LPP: variants seen among roughly 807,000 people sequenced by gnomAD.
The protein encoded by LPP is LIM domain containing preferred translocation partner in lipoma, also known as lipoma-preferred partner.
In LPP, 38 loss-of-function variants were observed where a neutral mutation model predicts 60.4. That is an observed-to-expected ratio of 0.63 (90% CI 0.49 to 0.83). The LOEUF is 0.83. Among genes scored for constraint, LPP ranks in the 40% least tolerant of loss-of-function variants. LPP has a pLI of 0.00. For synonymous variants in LPP, 328 were observed against 290.8 expected (o/e 1.13, Z -1.30); for missense variants, 902 against 783.6 (o/e 1.15, Z -1.80).
At chr3:188,508,549 G>T (rs1478774865) in intron 5 of LPP, among the ~76,000 whole-genome samples, 1 of 152,178 alleles carries the variant, frequency 6.6e-6, no homozygotes. Flanking sequence ...CTCCAACAGG[G>T]TGCTATGAAT....
intron 1 of LPP, among the ~76,000 whole-genome samples, chr3:188,169,325 C>T (rs1326738876): frequency 3.3e-5 from 5 of 152,274 alleles, no homozygotes; most frequent in Admixed American, 1.3e-4. Context: ...CCGTGTAACA[C>T]GTATTATTGG....
At chr3:188,851,770 G>C (rs574536606) in intron 9 of LPP, among the ~76,000 whole-genome samples, 6 of 152,172 alleles carry the variant, frequency 3.9e-5, no homozygotes, top group Non-Finnish European at 5.9e-5. Context: ...TTGTCTATGT[G>C]TCAATTACTG....
intron 6 of LPP, among the ~76,000 whole-genome samples, chr3:188,573,994 G>C (rs1221028512): frequency 6.6e-6 from 1 of 152,110 alleles, no homozygotes; most frequent in Non-Finnish European, 1.5e-5. Context: ...TTTCTCCGTA[G>C]CTCCAACTGT....
intron 2 of LPP, among the ~76,000 whole-genome samples, chr3:188,229,659 G>A (rs1719118607): frequency 6.6e-6 from 1 of 152,224 alleles, no homozygotes; most frequent in South Asian, 2.1e-4. Context: ...ACCCAGGGAT[G>A]TCTTGTAGGA....
At chr3:188,414,321 A>C (rs1785611168) in intron 4 of LPP, among the ~76,000 whole-genome samples, 1 of 152,178 alleles carries the variant, frequency 6.6e-6, no homozygotes, top group Admixed American at 6.5e-5. Context: ...GTGCTAACAC[A>C]ATGCTCAAAG....
At chr3:188,513,482 T>C (rs1349803958) in intron 5 of LPP, among the ~76,000 whole-genome samples, 1 of 152,190 alleles carries the variant, frequency 6.6e-6, no homozygotes, top group Non-Finnish European at 1.5e-5. Context: ...CAAATATCTA[T>C]TTTACTGTCA....
At chr3:188,635,845 A>G (rs1848631338) in intron 7 of LPP, among the ~76,000 whole-genome samples, 1 of 152,230 alleles carries the variant, frequency 6.6e-6, no homozygotes. Context: ...GTGTTGGAGA[A>G]ATTCCAGTCA....
intron 4 of LPP, among the ~76,000 whole-genome samples, chr3:188,450,265 G>A (rs189603063): frequency 2.0e-5 from 3 of 152,236 alleles, no homozygotes; most frequent in Admixed American, 1.3e-4. Flanking sequence ...ACAAATATGT[G>A]TGAAATATAT....
chr3:188,234,922 C>T (rs1474542746), intron 2 of LPP, among the ~76,000 whole-genome samples: 2 of 152,208 alleles, frequency 1.3e-5, no homozygotes, highest in Non-Finnish European at 2.9e-5. Context: ...TCCATTAGAT[C>T]TCCTGTTCCC....
chr3:188,663,609 T>A (rs1341702964), intron 7 of LPP, among the ~76,000 whole-genome samples: 1 of 152,202 alleles, frequency 6.6e-6, no homozygotes, highest in Non-Finnish European at 1.5e-5. Context: ...ACATATGCTG[T>A]GTTACCATCT....
intron 2 of LPP, among the ~76,000 whole-genome samples, chr3:188,334,422 CTTTT>C (rs71167095): frequency 1.0e-5 from 1 of 98,666 alleles, no homozygotes; most frequent in Non-Finnish European, 1.9e-5. Flanking sequence ...ATATTTCTTT[CTTTT>C]TTTTTTTTTT....
At chr3:188,423,280 C>G (rs1788367958) in intron 4 of LPP, among the ~76,000 whole-genome samples, 1 of 152,042 alleles carries the variant, frequency 6.6e-6, no homozygotes, top group South Asian at 2.1e-4. Context: ...GACATGAACT[C>G]ATTTTTATGG....
intron 1 of LPP, among the ~76,000 whole-genome samples, chr3:188,200,105 A>G (rs1319102112): frequency 1.3e-5 from 2 of 152,188 alleles, no homozygotes; most frequent in African/African-American, 4.8e-5. Context: ...CAAATAAATA[A>G]AGAATGAGTG....
chr3:188,440,287 A>AAAAAAGAGAAT (rs1793450017), intron 4 of LPP, among the ~76,000 whole-genome samples: 1 of 152,210 alleles, frequency 6.6e-6, no homozygotes, highest in Non-Finnish European at 1.5e-5. Context: ...CCTCTTTCGT[A>AAAAAAGAGAAT]AAAAAGAGAA....
intron 3 of LPP, among the ~76,000 whole-genome samples, chr3:188,369,520 T>G (rs1772366394): frequency 6.6e-6 from 1 of 152,172 alleles, no homozygotes. Flanking sequence ...GGGGTTGTTG[T>G]GAGGATTAAG....
At chr3:188,626,372 G>T (rs530711216) in intron 7 of LPP, among the ~76,000 whole-genome samples, 1 of 151,620 alleles carries the variant, frequency 6.6e-6, no homozygotes, top group African/African-American at 2.4e-5. Context: ...TGTAGGTTAC[G>T]TGTATAGCAT....
intron 2 of LPP, among the ~76,000 whole-genome samples, chr3:188,311,044 T>C (rs1195475116): frequency 6.6e-6 from 1 of 152,210 alleles, no homozygotes; most frequent in Non-Finnish European, 1.5e-5. Flanking sequence ...GTCGAAGATA[T>C]TAAGCAGCTG....
chr3:188,179,215 C>A (rs1041435505), intron 1 of LPP: 1 of 457,386 alleles, frequency 2.2e-6, no homozygotes, highest in Non-Finnish European at 4.4e-6. Context: ...GAATTTGCCA[C>A]CGTGAAGAGC....
chr3:188,170,248 C>T (rs1721161727), intron 1 of LPP, among the ~76,000 whole-genome samples: 1 of 151,916 alleles, frequency 6.6e-6, no homozygotes, highest in Non-Finnish European at 1.5e-5. Flanking sequence ...CATTTTCATT[C>T]TCATGCTTTG....
Sources: gnomAD v4.1 joint callset for allele counts (sites outside exome capture counted in the v4.1 genomes callset) on GRCh38, gnomAD v4.1.1 for gene constraint, MANE v1.5 for transcripts, NCBI Gene and HGNC (gene_info 2026-07-23, HGNC 2026-07-21) for gene names.